AKAP19: variants seen among roughly 807,000 people sequenced by gnomAD.
AKAP19 encodes A-kinase anchoring protein 19.
At chr2:190,046,818 T>G in the AKAP19 span, among the ~76,000 whole-genome samples, 2 of 152,224 alleles carry the variant, frequency 1.3e-5, no homozygotes, top group Non-Finnish European at 2.9e-5. Context: ...TAATAACTTT[T>G]TGTGCTGTCA....
the AKAP19 span, among the ~76,000 whole-genome samples, chr2:189,978,485 G>A: frequency 6.6e-6 from 1 of 152,102 alleles, no homozygotes; most frequent in Non-Finnish European, 1.5e-5. Flanking sequence ...ACTGGGCATG[G>A]TGGTGCATGC....
the AKAP19 span, among the ~76,000 whole-genome samples, chr2:190,034,673 C>T: frequency 1.3e-5 from 2 of 151,152 alleles, no homozygotes; most frequent in African/African-American, 4.9e-5. Context: ...GACGAAACCC[C>T]ATCTCTACTA....
At chr2:189,893,580 C>T in the AKAP19 span, among the ~76,000 whole-genome samples, 615 of 152,226 alleles carry the variant, frequency 4.0e-3, 6 homozygotes, top group African/African-American at 0.014. Flanking sequence ...TGAAATGAGC[C>T]GGGTACCTCA....
At chr2:189,881,590 G>A in the AKAP19 span, among the ~76,000 whole-genome samples, 1 of 152,176 alleles carries the variant, frequency 6.6e-6, no homozygotes, top group African/African-American at 2.4e-5. Flanking sequence ...TATGTAAGTA[G>A]GTTGCTGTTA....
At chr2:189,975,391 T>A in the AKAP19 span, among the ~76,000 whole-genome samples, 2 of 152,202 alleles carry the variant, frequency 1.3e-5, no homozygotes, top group African/African-American at 4.8e-5. Flanking sequence ...TAACCCGACC[T>A]TTCTCTCTGG....
chr2:189,966,257 G>A, the AKAP19 span, among the ~76,000 whole-genome samples: 1 of 152,040 alleles, frequency 6.6e-6, no homozygotes, highest in African/African-American at 2.4e-5. Flanking sequence ...CTCAGGTGAT[G>A]GGTGCACCAA....
the AKAP19 span, among the ~76,000 whole-genome samples, chr2:189,983,195 A>G: frequency 6.6e-6 from 1 of 152,070 alleles, no homozygotes; most frequent in Non-Finnish European, 1.5e-5. Context: ...AGGGCTCACA[A>G]CCTTCGGTAC....
chr2:190,159,013 G>T, the AKAP19 span, among the ~76,000 whole-genome samples: 4 of 152,212 alleles, frequency 2.6e-5, no homozygotes, highest in East Asian at 1.9e-4. Context: ...GATTCCAAAG[G>T]CTGCAGTGGA....
the AKAP19 span, among the ~76,000 whole-genome samples, chr2:190,051,257 T>A: frequency 2.0e-5 from 3 of 152,318 alleles, no homozygotes; most frequent in African/African-American, 7.2e-5. Flanking sequence ...TACTCATGGG[T>A]CTTGTCCAAT....
the AKAP19 span, among the ~76,000 whole-genome samples, chr2:190,084,237 C>T: frequency 6.6e-6 from 1 of 151,972 alleles, no homozygotes; most frequent in Non-Finnish European, 1.5e-5. Flanking sequence ...GGATTACAGG[C>T]GCCCACCACC....
At chr2:189,968,377 A>G in the AKAP19 span, among the ~76,000 whole-genome samples, 2 of 152,178 alleles carry the variant, frequency 1.3e-5, no homozygotes, top group Non-Finnish European at 2.9e-5. Context: ...AGCTAGGACT[A>G]CAGGCAAGTA....
chr2:190,100,029 CTG>C, the AKAP19 span, among the ~76,000 whole-genome samples: 3 of 152,150 alleles, frequency 2.0e-5, no homozygotes, highest in Non-Finnish European at 4.4e-5. Flanking sequence ...GCCTTAAACA[CTG>C]GAGTTGGTTC....
At chr2:190,024,404 A>T in the AKAP19 span, among the ~76,000 whole-genome samples, 1 of 146,728 alleles carries the variant, frequency 6.8e-6, no homozygotes, top group African/African-American at 2.5e-5. Context: ...ATACATATAT[A>T]TTTTTTCATT....
chr2:190,099,138 T>C, the AKAP19 span, among the ~76,000 whole-genome samples: 5 of 152,230 alleles, frequency 3.3e-5, no homozygotes. Flanking sequence ...TTTAATTTCT[T>C]TCAAGAGCTT....
At chr2:189,996,541 C>G in the AKAP19 span, among the ~76,000 whole-genome samples, 4 of 152,050 alleles carry the variant, frequency 2.6e-5, no homozygotes, top group African/African-American at 9.7e-5. Flanking sequence ...TCACCTTTCT[C>G]TGGTATCTCC....
the AKAP19 span, among the ~76,000 whole-genome samples, chr2:189,985,321 G>A: frequency 6.6e-6 from 1 of 152,038 alleles, no homozygotes; most frequent in Admixed American, 6.6e-5. Flanking sequence ...GATTTCCTTA[G>A]TAGCCATCAT....
the AKAP19 span, among the ~76,000 whole-genome samples, chr2:189,997,595 G>A: frequency 2.0e-4 from 31 of 152,262 alleles, no homozygotes; most frequent in African/African-American, 4.8e-4. Context: ...TGCAGCTGGC[G>A]AAGCTGGTCT....
the AKAP19 span, chr2:190,203,362 TA>T: frequency 6.0e-6 from 1 of 167,038 alleles, no homozygotes; most frequent in Non-Finnish European, 1.5e-5. Context: ...TTTCAAAACT[TA>T]AGTTTTATTA....
At chr2:190,167,336 A>G in the AKAP19 span, among the ~76,000 whole-genome samples, 2 of 152,184 alleles carry the variant, frequency 1.3e-5, no homozygotes, top group East Asian at 3.8e-4. Context: ...GTTACCTCTC[A>G]CTGGGTCCCT....
Sources: allele counts gnomAD v4.1 joint callset (sites outside exome capture counted in the v4.1 genomes callset), GRCh38; gene constraint gnomAD v4.1.1; transcripts MANE v1.5; gene names NCBI Gene and HGNC (gene_info 2026-07-23, HGNC 2026-07-21).